DLG2: variants seen among roughly 807,000 people sequenced by gnomAD.
DLG2 encodes discs large MAGUK scaffold protein 2, also known as disks large homolog 2.
In DLG2, 45 loss-of-function variants were observed where a neutral mutation model predicts 132.5. That is an observed-to-expected ratio of 0.34 (90% CI 0.27 to 0.44). The LOEUF is 0.44. Among genes scored for constraint, DLG2 ranks in the 20% least tolerant of loss-of-function variants. The pLI is 1.00. For missense variants in DLG2, 1,045 were observed against 1,196.9 expected (o/e 0.87, Z 1.87); for synonymous variants, 424 against 419.6 (o/e 1.01, Z -0.13).
intron 6 of DLG2, among the ~76,000 whole-genome samples, chr11:84,846,683 T>A (rs539647542): frequency 2.6e-5 from 4 of 152,250 alleles, no homozygotes; most frequent in African/African-American, 9.6e-5. Flanking sequence ...CCCTATGTAG[T>A]CCCTTCCCAC....
At chr11:84,271,917 G>A (rs1296808171) in intron 7 of DLG2, among the ~76,000 whole-genome samples, 2 of 130,244 alleles carry the variant, frequency 1.5e-5, no homozygotes, top group Non-Finnish European at 3.1e-5. Context: ...AAATACTTGA[G>A]GTCCACAAGG....
At chr11:84,965,519 G>A (rs1176279131) in intron 6 of DLG2, among the ~76,000 whole-genome samples, 1 of 152,016 alleles carries the variant, frequency 6.6e-6, no homozygotes, top group Admixed American at 6.6e-5. Flanking sequence ...TGCTATGGAT[G>A]AGGGGTCATC....
At chr11:85,509,617 C>T (rs1598103625) in intron 3 of DLG2, among the ~76,000 whole-genome samples, 1 of 152,182 alleles carries the variant, frequency 6.6e-6, no homozygotes, top group East Asian at 1.9e-4. Context: ...AACCGATATC[C>T]TCCGATGTAT....
intron 6 of DLG2, among the ~76,000 whole-genome samples, chr11:84,828,690 C>T (rs1202226878): frequency 6.6e-6 from 1 of 151,668 alleles, no homozygotes; most frequent in Non-Finnish European, 1.5e-5. Context: ...AAAGCTAAGG[C>T]ACAATAGAAT....
intron 9 of DLG2, among the ~76,000 whole-genome samples, chr11:84,129,229 C>T (rs1945826): frequency 0.87 from 132,994 of 152,104 alleles, 58,466 homozygotes; most frequent in Middle Eastern, 0.95. Flanking sequence ...AACCATGACA[C>T]ATTTACAGAC....
intron 14 of DLG2, among the ~76,000 whole-genome samples, chr11:83,956,358 A>G (rs940676315): frequency 6.6e-6 from 1 of 152,156 alleles, no homozygotes; most frequent in South Asian, 2.1e-4. Flanking sequence ...CTGCTAACAT[A>G]CTGCTGTCTA....
intron 6 of DLG2, among the ~76,000 whole-genome samples, chr11:84,867,975 G>T (rs1372574058): frequency 2.0e-5 from 3 of 151,922 alleles, no homozygotes; most frequent in African/African-American, 7.3e-5. Flanking sequence ...TCGGGAGGCC[G>T]AGGCAGGAGA....
intron 15 of DLG2, among the ~76,000 whole-genome samples, chr11:83,880,189 A>G (rs1239897962): frequency 6.6e-6 from 1 of 152,110 alleles, no homozygotes; most frequent in East Asian, 1.9e-4. Flanking sequence ...TGGGCTCTCC[A>G]AGGTTATTAA....
At chr11:84,572,976 G>C (rs2099489320) in intron 6 of DLG2, among the ~76,000 whole-genome samples, 1 of 152,074 alleles carries the variant, frequency 6.6e-6, no homozygotes, top group African/African-American at 2.4e-5. Context: ...TCTGACCCAG[G>C]AGTCTTGTGT....
At chr11:85,252,543 G>A (rs1034328427) in intron 4 of DLG2, among the ~76,000 whole-genome samples, 2 of 152,000 alleles carry the variant, frequency 1.3e-5, no homozygotes, top group Non-Finnish European at 2.9e-5. Flanking sequence ...CCAAGATCAC[G>A]CCACTGCACT....
At chr11:85,319,341 T>C (rs1033375858) in intron 3 of DLG2, among the ~76,000 whole-genome samples, 3 of 151,974 alleles carry the variant, frequency 2.0e-5, no homozygotes, top group Non-Finnish European at 3.0e-5. Flanking sequence ...GGTTTAACAA[T>C]AGTAATCTTG....
chr11:84,582,912 C>T (rs1426843931), intron 6 of DLG2, among the ~76,000 whole-genome samples: 1 of 152,158 alleles, frequency 6.6e-6, no homozygotes, highest in Non-Finnish European at 1.5e-5. Context: ...AGCTAAGGGT[C>T]AGGTGTCTTC....
intron 7 of DLG2, among the ~76,000 whole-genome samples, chr11:84,402,999 T>A: frequency 8.9e-6 from 1 of 112,578 alleles, no homozygotes; most frequent in African/African-American, 4.7e-5. Context: ...TCCAATTCTC[T>A]CTCTCTCTCT....
chr11:85,577,265 C>T (rs1478474695), intron 3 of DLG2, among the ~76,000 whole-genome samples: 7 of 151,964 alleles, frequency 4.6e-5, no homozygotes. Flanking sequence ...CTGCAGTAGA[C>T]CAGATAAGAG....
At chr11:84,825,461 C>T (rs144412301) in intron 6 of DLG2, among the ~76,000 whole-genome samples, 3 of 152,016 alleles carry the variant, frequency 2.0e-5, no homozygotes, top group Non-Finnish European at 4.4e-5. Context: ...GAGACACCAT[C>T]TCTGAGAAAT....
chr11:85,340,295 A>C (rs1296490659), intron 3 of DLG2, among the ~76,000 whole-genome samples: 1 of 152,236 alleles, frequency 6.6e-6, no homozygotes, highest in East Asian at 1.9e-4. Flanking sequence ...TACACCATGG[A>C]GTACTATGCA....
intron 5 of DLG2, among the ~76,000 whole-genome samples, chr11:85,124,736 A>C (rs2074858754): frequency 2.0e-5 from 3 of 152,226 alleles, no homozygotes; most frequent in Non-Finnish European, 4.4e-5. Context: ...CCAAACATTC[A>C]AATTAAATAA....
chr11:85,589,637 C>T (rs1005205770), intron 3 of DLG2, among the ~76,000 whole-genome samples: 31 of 152,054 alleles, frequency 2.0e-4, no homozygotes, highest in Non-Finnish European at 3.1e-4. Context: ...AAGCCAGTAG[C>T]GATAGGCCCC....
At chr11:83,863,369 C>T (rs2061758753) in intron 16 of DLG2, among the ~76,000 whole-genome samples, 1 of 152,136 alleles carries the variant, frequency 6.6e-6, no homozygotes, top group Non-Finnish European at 1.5e-5. Context: ...GAGGCTTACT[C>T]ACTCCACTAT....
Sources: allele counts gnomAD v4.1 joint callset (sites outside exome capture counted in the v4.1 genomes callset), GRCh38; gene constraint gnomAD v4.1.1; transcripts MANE v1.5; gene names NCBI Gene and HGNC (gene_info 2026-07-23, HGNC 2026-07-21).